The following MEGF11 variants were observed in gnomAD, a reference collection of about 807,000 sequenced individuals.
The protein encoded by MEGF11 is multiple epidermal growth factor-like domains protein 11.
MEGF11 carries 126 observed loss-of-function variants against 146.6 expected under a neutral mutation model. That is an observed-to-expected ratio of 0.86 (90% CI 0.74 to 1.00). MEGF11 has a LOEUF of 1.00. MEGF11 is among the 50% of genes least tolerant of loss of function. The pLI is 0.00. For synonymous variants in MEGF11, 532 were observed against 583.4 expected (o/e 0.91, Z 1.27); for missense variants, 1,509 against 1,521.2 (o/e 0.99, Z 0.13).
At chr15:65,900,618 C>CTCTCCT (rs1466866971) in intron 24 of MEGF11, among the ~76,000 whole-genome samples, 1 of 152,226 alleles carries the variant, frequency 6.6e-6, no homozygotes, top group Admixed American at 6.5e-5. Context: ...ATAATTCTCT[C>CTCTCCT]TCTCCTTCTC....
chr15:66,110,965 T>G (rs1311839743), intron 4 of MEGF11, among the ~76,000 whole-genome samples: 1 of 151,812 alleles, frequency 6.6e-6, no homozygotes, highest in Admixed American at 6.6e-5. Flanking sequence ...TCCCCTGCCC[T>G]CTTGACTGAC....
At chr15:65,907,356 G>T (rs565150128) in intron 23 of MEGF11, among the ~76,000 whole-genome samples, 4 of 151,920 alleles carry the variant, frequency 2.6e-5, no homozygotes, top group African/African-American at 9.7e-5. Context: ...GTGCAGTGGC[G>T]CAATCTCTGT....
intron 1 of MEGF11, among the ~76,000 whole-genome samples, chr15:66,215,123 T>C (rs1419477946): frequency 2.0e-5 from 3 of 152,198 alleles, no homozygotes; most frequent in African/African-American, 7.2e-5. Flanking sequence ...CCCTCTGTAT[T>C]AAGACCACAA....
At chr15:66,000,535 A>G (rs961382163) in intron 5 of MEGF11, among the ~76,000 whole-genome samples, 2 of 92,610 alleles carry the variant, frequency 2.2e-5, no homozygotes, top group Non-Finnish European at 4.6e-5. Flanking sequence ...TGTCTCTTTG[A>G]AAAAAAAAAA....
intron 5 of MEGF11, among the ~76,000 whole-genome samples, chr15:66,036,620 A>G (rs1373493887): frequency 6.6e-6 from 1 of 152,076 alleles, no homozygotes; most frequent in Non-Finnish European, 1.5e-5. Flanking sequence ...ACCTGCCTTG[A>G]CCGTCATTTC....
chr15:66,066,747 G>C (rs1050092049), intron 5 of MEGF11, among the ~76,000 whole-genome samples: 8 of 152,230 alleles, frequency 5.3e-5, no homozygotes, highest in African/African-American at 1.9e-4. Flanking sequence ...GCACCTCCCT[G>C]ATCAGCCCAC....
intron 5 of MEGF11, among the ~76,000 whole-genome samples, chr15:66,042,921 C>A (rs2084046271): frequency 6.6e-6 from 1 of 151,986 alleles, no homozygotes. Context: ...CGGTCACATT[C>A]AGGCACTGGG....
At chr15:66,019,824 C>T (rs931609902) in intron 5 of MEGF11, among the ~76,000 whole-genome samples, 31 of 152,208 alleles carry the variant, frequency 2.0e-4, no homozygotes, top group African/African-American at 7.5e-4. Flanking sequence ...ATCCTTCCCA[C>T]GGACTTAGAG....
intron 1 of MEGF11, among the ~76,000 whole-genome samples, chr15:66,206,598 C>A (rs2091305830): frequency 6.6e-6 from 1 of 151,956 alleles, no homozygotes; most frequent in Non-Finnish European, 1.5e-5. Flanking sequence ...AGTACAATAA[C>A]CAGAATAAAA....
Position 66,241,909 on chromosome 15 carries a change from C to T in MEGF11, c.-9+11696G>A. Among the ~76,000 whole-genome samples the T allele has an allele frequency of 1.3e-5, 2 of 152,176 alleles. 1 individual carries two copies. On this transcript the variant is annotated intron_variant, in intron 1 of 25. Transcript: ENST00000395614. ...AATACACACGTGGATAACAGCAGCACATACACAGACAACAAAGAGAAACAC... is the reference window on the plus strand; with the variant it reads ...AATACACACGTGGATAACAGCAGCATATACACAGACAACAAAGAGAAACAC...
At chr15:66,039,237 G>A (rs1046684611) in intron 5 of MEGF11, among the ~76,000 whole-genome samples, 3 of 152,278 alleles carry the variant, frequency 2.0e-5, no homozygotes, top group Non-Finnish European at 2.9e-5. Context: ...ATTCCACAGC[G>A]AAGAGGTCAG....
chr15:65,905,383 G>A (rs1567148493), intron 24 of MEGF11: 1 of 152,240 alleles, frequency 6.6e-6, no homozygotes, highest in Non-Finnish European at 1.5e-5. Flanking sequence ...TGAGGAAACT[G>A]AGCCTTGGAA....
intron 5 of MEGF11, among the ~76,000 whole-genome samples, chr15:66,006,800 G>A (rs1400054766): frequency 6.6e-6 from 1 of 152,226 alleles, no homozygotes; most frequent in African/African-American, 2.4e-5. Flanking sequence ...AGACAGCCAA[G>A]GGCAGCTCCC....
At chr15:65,954,092 G>A (rs1286832538) in intron 10 of MEGF11, among the ~76,000 whole-genome samples, 3 of 152,152 alleles carry the variant, frequency 2.0e-5, no homozygotes, top group Non-Finnish European at 2.9e-5. Flanking sequence ...TTCAGATAGG[G>A]AAATGGAGGC....
chr15:66,091,116 G>A (rs1451614412), intron 5 of MEGF11, among the ~76,000 whole-genome samples: 4 of 152,150 alleles, frequency 2.6e-5, no homozygotes, highest in African/African-American at 9.7e-5. Context: ...TTCTCTGAAA[G>A]GGTGTCACAC....
At chr15:66,067,541 C>T (rs576944249) in intron 5 of MEGF11, among the ~76,000 whole-genome samples, 15 of 152,358 alleles carry the variant, frequency 9.8e-5, no homozygotes, top group South Asian at 4.1e-4. Flanking sequence ...CGTTCTTTCC[C>T]GGCAGCATCC....
intron 1 of MEGF11, among the ~76,000 whole-genome samples, chr15:66,181,006 C>T (rs565150890): frequency 6.6e-6 from 1 of 152,334 alleles, no homozygotes; most frequent in Non-Finnish European, 1.5e-5. Context: ...CGATTTTTAA[C>T]AGAATATATT....
chr15:66,105,614 T>C (rs1433086946), intron 4 of MEGF11, among the ~76,000 whole-genome samples: 1 of 152,282 alleles, frequency 6.6e-6, no homozygotes, highest in Admixed American at 6.5e-5. Context: ...GGCACTGAAA[T>C]GGTTTTATGT....
chr15:65,908,961 CAGGGA>C, intron 23 of MEGF11, 68 bp downstream of exon 23: 1 of 933,848 alleles, frequency 1.1e-6, no homozygotes, highest in Non-Finnish European at 1.7e-6. Flanking sequence ...GGTCAAGGTG[CAGGGA>C]TGGGGATTAG....
Sources: gnomAD v4.1 joint callset for allele counts (sites outside exome capture counted in the v4.1 genomes callset) on GRCh38, gnomAD v4.1.1 for gene constraint, MANE v1.5 for transcripts, NCBI Gene and HGNC (gene_info 2026-07-23, HGNC 2026-07-21) for gene names.